PELP1: variants seen among roughly 807,000 people sequenced by gnomAD.
PELP1 encodes proline, glutamate and leucine rich protein 1.
PELP1 carries 32 observed loss-of-function variants against 95.5 expected under a neutral mutation model. That is an observed-to-expected ratio of 0.34 (90% CI 0.25 to 0.45). PELP1 has a LOEUF of 0.45. Among genes scored for constraint, PELP1 ranks in the 20% least tolerant of loss-of-function variants. PELP1 has a pLI of 1.00. For missense variants in PELP1, 1,358 were observed against 1,444.8 expected (o/e 0.94, Z 0.97); for synonymous variants, 668 against 600.1 (o/e 1.11, Z -1.65).
In PELP1 at chr17:4,675,276, G is replaced by T; in HGVS notation, c.1155C>A (p.Leu385=). The change falls in exon 10 of 17, where the codon CTC becomes CTA. Residue 385 remains leucine (L), a splice_region_variant and synonymous_variant. Coordinates refer to ENST00000572293, the MANE Select transcript of PELP1 (RefSeq NM_014389.3). The surrounding 1 kb of genome is among the most constrained non-coding windows in gnomAD (Gnocchi z 4.3). ...EALDLLSALI[L]ACGSRLLRFG... ...ACAGCCAGCCCAATCCCACTCACGC[G>T]AGGATGAGTGCAGACAGCAGGTCCA... 6.3e-7 allele frequency: 1 copy of T among 1,578,252 alleles called. No individual in the cohort carries two copies. The highest frequency in any genetic ancestry group is 8.6e-7 in the Non-Finnish European group (1 of 1,162,252).
At chr17:4,677,833 G>A (rs1028998208) in intron 5 of PELP1, among the ~76,000 whole-genome samples, 1 of 152,056 alleles carries the variant, frequency 6.6e-6, no homozygotes, top group Admixed American at 6.6e-5. Context: ...GGGAGGCTGA[G>A]GTGGGAGGAC....
In PELP1 at chr17:4,682,794, A is replaced by T; in HGVS notation, c.570+9T>A. 6.4e-7 allele frequency: 1 copy of T among 1,561,140 alleles called. No homozygotes were observed. On this transcript the variant is annotated intron_variant, in intron 4 of 16. Coordinates refer to ENST00000572293, the MANE Select transcript of PELP1 (RefSeq NM_014389.3). The stretch of plus-strand genomic sequence containing the variant: ...GGGCCATGGGGAAGGGTCCAGGGAG[A>T]CATCTCACCTCTGGCCTGAGGCCCA...
intron 12 of PELP1, 31 bp downstream of exon 12, chr17:4,674,778 G>T: frequency 6.3e-7 from 1 of 1,596,532 alleles, no homozygotes. Context: ...GGCACAGGAT[G>T]AGTCCTAAGG....
chr17:4,683,671 C>T (rs1249488104), intron 3 of PELP1, among the ~76,000 whole-genome samples: 2 of 150,926 alleles, frequency 1.3e-5, no homozygotes, highest in East Asian at 1.9e-4. Flanking sequence ...GCTGGGATTA[C>T]AGGCATGGAC....
chr17:4,671,463 TG>T lies in PELP1; in HGVS notation c.3368del (p.Pro1123HisfsTer20). ...GCTAGGAGTCAGGCTCTGTGGGAGG[TG>T]GTGGCTTCTCATCATCAGGGGGACA... is the stretch of plus-strand genomic sequence containing the variant. ...IDCPPDDEKP[P>X]PPTEPDS On this transcript the variant is annotated frameshift_variant, in exon 17 of 17. Transcript: ENST00000572293. LOFTEE classifies it high-confidence loss of function. 6.3e-7 allele frequency: 1 copy of T among 1,583,152 alleles called. No individual in the cohort carries two copies. Among genetic ancestry groups the T allele is most frequent in the Non-Finnish European group, 8.7e-7 (1 of 1,152,028 alleles).
At chr17:4,689,140 A>T (rs550793094) in intron 3 of PELP1, among the ~76,000 whole-genome samples, 1 of 152,376 alleles carries the variant, frequency 6.6e-6, no homozygotes, top group Non-Finnish European at 1.5e-5. Flanking sequence ...TTGGCAAGCC[A>T]CATGTAGAAG....
chr17:4,704,117 C>T lies in PELP1; in HGVS notation c.-6G>A. ...CTCAGAACGGCTGCCGCCATCTTCC[C>T]CCGGGTTCCAGTGGTGGCGTGGCGC... On this transcript the variant is annotated 5_prime_UTR_variant, in exon 1 of 17. Transcript: ENST00000572293. The T allele has an allele frequency of 6.2e-7, 1 of 1,604,314 alleles. No individual in the cohort carries two copies. Among genetic ancestry groups the T allele is most frequent in the Admixed American group, 1.7e-5 (1 of 59,708 alleles).
At chr17:4,677,162 T>C (rs1912515256) in intron 5 of PELP1, among the ~76,000 whole-genome samples, 2 of 151,922 alleles carry the variant, frequency 1.3e-5, no homozygotes, top group African/African-American at 2.4e-5. Context: ...CTCTACCAGC[T>C]CACACACAAA....
In PELP1 at chr17:4,675,227, T is replaced by G. The variant is rs1444157541; in HGVS notation, c.1158-32A>C. The G allele has an allele frequency of 1.2e-6, 2 of 1,605,016 alleles. No individual in the cohort carries two copies. The highest frequency in any genetic ancestry group is 2.7e-5 in the African/African-American group (2 of 74,678). ...CAGAGAAGGAATGGTGACCCTCGTT[T>G]CTGGCACGCCCTATCCCTTCACCAC... is the stretch of plus-strand genomic sequence containing the variant. On this transcript the variant is annotated intron_variant, in intron 10 of 16. Coordinates refer to ENST00000572293, the MANE Select transcript of PELP1 (RefSeq NM_014389.3). This position sits in a 1 kb window ranked among gnomAD's most constrained non-coding sequence, Gnocchi z 4.3.
chr17:4,674,767 G>C lies in PELP1; in HGVS notation c.1422+42C>G, dbSNP rs776633282. 1.1e-5 allele frequency: 18 copies of C among 1,590,668 alleles called. 1 individual carries two copies. The South Asian group carries it at 1.9e-4, about 17-fold the overall frequency. On this transcript the variant is annotated intron_variant, in intron 12 of 16. Transcript: ENST00000572293. ...TCCTGAGCAGGCACACTTGGTCAAA[G>C]GGCACAGGATGAGTCCTAAGGCGGA...
At position 4,672,801 on chromosome 17, in the gene PELP1, G is replaced by C. The variant is rs920228740; in HGVS notation, c.2190C>G (p.His730Gln). 2.5e-6 allele frequency: 4 copies of C among 1,613,784 alleles called. No homozygotes were observed. In the African/African-American group the frequency reaches 4.0e-5, roughly 16 times the overall value. ...PPRLLPGPEN[H>Q]RAGSNEDPIL... is the part of the protein sequence containing the mutation. ...TGGGGTCCTCATTTGAGCCTGCCCG[G>C]TGGTTCTCAGGGCCAGGAAGAAGCC... The change falls in exon 16 of 17, where the codon CAC becomes CAG. Residue 730 changes from histidine to glutamine, a missense_variant. Coordinates refer to ENST00000572293, the MANE Select transcript of PELP1 (RefSeq NM_014389.3).
At chr17:4,691,116 C>T (rs1005958717) in intron 2 of PELP1, 123 bp from the exon 3 acceptor site, 1 of 728,850 alleles carries the variant, frequency 1.4e-6, no homozygotes, top group Non-Finnish European at 2.4e-6. Context: ...TGGTTTCCAA[C>T]TCCTGAAATA....
In PELP1 at chr17:4,676,468, C is replaced by A; in HGVS notation, c.742G>T (p.Ala248Ser). 1.2e-6 allele frequency: 2 copies of A among 1,613,790 alleles called. No homozygotes were observed. Among genetic ancestry groups the A allele is most frequent in the South Asian group, 2.2e-5 (2 of 91,044 alleles). ...TGCTTCAGGCCTTGGGAAAAGCCAG[C>A]CCCTAAAGAGGGCAGCCGGGAATAA... Reference protein sequence around the residue: ...ECYSRLPSLGAGFSQGLKHTE... With the variant: ...ECYSRLPSLGSGFSQGLKHTE... Residue 248 changes from alanine (A) to serine (S), a missense_variant, in exon 7 of 17, where the codon GCT becomes TCT. This residue lies in a region of PELP1 where 538 missense variants were observed against 628.1 expected (regional missense o/e 0.86). Transcript: ENST00000572293.
At chr17:4,678,537 T>C (rs1376385112) in intron 5 of PELP1, among the ~76,000 whole-genome samples, 1 of 152,088 alleles carries the variant, frequency 6.6e-6, no homozygotes, top group Non-Finnish European at 1.5e-5. Flanking sequence ...AATAAAGCAG[T>C]GTACGGTGAA....
At chr17:4,682,666 A>C (rs1235146915) in intron 4 of PELP1, 93 bp from the exon 5 acceptor site, 1 of 1,444,564 alleles carries the variant, frequency 6.9e-7, no homozygotes, top group Admixed American at 1.9e-5. Flanking sequence ...CCTTCTCCAG[A>C]AATCACTTTT....
intron 7 of PELP1, 43 bp from the exon 8 acceptor site, chr17:4,676,205 C>A: frequency 6.2e-7 from 1 of 1,605,514 alleles, no homozygotes; most frequent in Non-Finnish European, 8.5e-7. Context: ...TTTCTTCCAT[C>A]CCCTCCTCTG....
In PELP1 at chr17:4,682,798, C is replaced by A; in HGVS notation, c.570+5G>T. The A allele has an allele frequency of 6.4e-7, 1 of 1,564,270 alleles. No individual in the cohort carries two copies. The highest frequency in any genetic ancestry group is 8.6e-7 in the Non-Finnish European group (1 of 1,158,842). ...CATGGGGAAGGGTCCAGGGAGACAT[C>A]TCACCTCTGGCCTGAGGCCCAGCAG... On this transcript the variant is annotated splice_donor_5th_base_variant and intron_variant, in intron 4 of 16. Coordinates refer to ENST00000572293, the MANE Select transcript of PELP1 (RefSeq NM_014389.3).
At chr17:4,696,070 C>A (rs1426804095) in intron 1 of PELP1, among the ~76,000 whole-genome samples, 1 of 150,076 alleles carries the variant, frequency 6.7e-6, no homozygotes, top group Non-Finnish European at 1.5e-5. Context: ...GGGCTCATGA[C>A]TGTAATCCCA....
In PELP1 at chr17:4,672,484, G is replaced by A. The variant is rs536776853; in HGVS notation, c.2507C>T (p.Pro836Leu). ...AGGTGGGGGTGGCGGGAGAGGCCCTGGGGCTGCAGGAAGTTCTTCAGGCTC... is the reference window on the plus strand; with the variant it reads ...AGGTGGGGGTGGCGGGAGAGGCCCTAGGGCTGCAGGAAGTTCTTCAGGCTC... ...KEEPEELPAA[P>L]GPLPPPPPPP... Residue 836 changes from proline to leucine, a missense_variant, in exon 16 of 17, where the codon CCA becomes CTA. Transcript: ENST00000572293. 1.3e-6 allele frequency: 2 copies of A among 1,571,488 alleles called. No homozygotes were observed. The highest frequency in any genetic ancestry group is 1.7e-6 in the Non-Finnish European group (2 of 1,160,162).
Sources: gnomAD v4.1 joint callset for allele counts (sites outside exome capture counted in the v4.1 genomes callset) on GRCh38, gnomAD v4.1.1 for gene constraint, gnomAD v4.1.1 regional missense constraint, Gnocchi (gnomAD v3.1) non-coding constraint, MANE v1.5 for transcripts, NCBI Gene and HGNC (gene_info 2026-07-23, HGNC 2026-07-21) for gene names.